DYSF: variants seen among roughly 807,000 people sequenced by gnomAD.
DYSF encodes the protein dysferlin, also known as dystrophy-associated fer-1-like 1.
Under a neutral mutation model 274.9 loss-of-function variants are expected in DYSF, and 212 were observed. The observed-to-expected ratio is 0.77, with a 90% CI of 0.69 to 0.86. The LOEUF is 0.86. Ranked by LOEUF, DYSF falls within the 40% of genes least tolerant of loss-of-function variation. DYSF has a pLI of 0.00. For synonymous variants in DYSF, 1,091 were observed against 1,078.7 expected, an observed-to-expected ratio of 1.01 and a Z score of -0.22; for missense variants, 2,666 against 2,783.2, an observed-to-expected ratio of 0.96 and a Z score of 0.95.
chr2:71,555,873 T>C (rs1283756129), intron 21 of DYSF, 92 bp from the exon 22 acceptor site: 5 of 997,668 alleles, frequency 5.0e-6, no homozygotes, highest in Non-Finnish European at 7.8e-6. Flanking sequence ...TCCTTTTTGG[T>C]TCAGTAGCAG....
intron 54 of DYSF, 115 bp from the exon 55 acceptor site, chr2:71,682,415 G>A: frequency 7.5e-7 from 1 of 1,337,234 alleles, no homozygotes; most frequent in Non-Finnish European, 1.1e-6. Context: ...GCCTGGGCAG[G>A]CGCTGGGGGT....
chr2:71,600,636 C>G, intron 33 of DYSF, 66 bp from the exon 34 acceptor site: 1 of 1,610,892 alleles, frequency 6.2e-7, no homozygotes. Flanking sequence ...TAGACCTGAT[C>G]TCTCTGAGGC....
In DYSF at chr2:71,502,299, TCATC is replaced by T. The variant is rs1481257525; in HGVS notation, c.240-910_240-907del. 2.0e-5 allele frequency among the ~76,000 whole-genome samples: 3 copies of T among 152,108 alleles called. No individual in the cohort carries two copies. In the East Asian group the frequency reaches 5.8e-4, roughly 29 times the overall value. On this transcript the variant is annotated intron_variant, in intron 3 of 55. Coordinates refer to ENST00000410020, the MANE Select transcript of DYSF (RefSeq NM_001130987.2). The stretch of plus-strand genomic sequence containing the variant: ...TGAGCCCAGATGACAGGTGTGCTGT[TCATC>T]CATCAGGAAAAAGCAGTTAATAAGT...
chr2:71,671,979 G>T (rs1473278369), intron 51 of DYSF, among the ~76,000 whole-genome samples: 1 of 152,176 alleles, frequency 6.6e-6, no homozygotes, highest in African/African-American at 2.4e-5. Context: ...GGGTGGCGAG[G>T]AGGAAGAGAG....
chr2:71,551,863 G>A (rs1399255329), intron 19 of DYSF, 143 bp downstream of exon 19: 3 of 640,524 alleles, frequency 4.7e-6, no homozygotes, highest in African/African-American at 3.6e-5. Flanking sequence ...CGGGCCTCAA[G>A]TCTCAGCTGT....
intron 30 of DYSF, among the ~76,000 whole-genome samples, chr2:71,577,511 A>C (rs2092746187): frequency 2.7e-5 from 3 of 109,518 alleles, no homozygotes; most frequent in Admixed American, 1.9e-4. Flanking sequence ...ACACAGCCCC[A>C]CTCTCATGCA....
At chr2:71,648,200 T>C (rs1302457598) in intron 42 of DYSF, among the ~76,000 whole-genome samples, 6 of 152,124 alleles carry the variant, frequency 3.9e-5, no homozygotes, top group Non-Finnish European at 5.9e-5. Context: ...GCAGATGAGA[T>C]GAAATGCTTT....
In DYSF at chr2:71,667,737, C is replaced by T. The variant is rs534544537; in HGVS notation, c.5457+222C>T. Reference sequence around the variant, plus strand: ...CCTCCATCCCTCAGGGCCTGCGAAACGAGGCTGAGCTTCTCCCCTCACCCC... The same window carrying T: ...CCTCCATCCCTCAGGGCCTGCGAAATGAGGCTGAGCTTCTCCCCTCACCCC... On this transcript the variant is annotated intron_variant, in intron 48 of 55. Transcript: ENST00000410020. Among the ~76,000 whole-genome samples, 6 of 152,276 alleles carry T rather than the reference C, an allele frequency of 3.9e-5. No homozygotes were observed. The South Asian group carries it at 1.0e-3, about 26-fold the overall frequency.
chr2:71,577,178 G>C (rs1469772687), intron 30 of DYSF: 2 of 153,244 alleles, frequency 1.3e-5, no homozygotes, highest in Middle Eastern at 3.4e-3. Flanking sequence ...TGACTGTCTG[G>C]AAGACTCTAT....
At chr2:71,553,241 G>A (rs537327592) in intron 20 of DYSF, 53 bp downstream of exon 20, 1 of 1,610,582 alleles carries the variant, frequency 6.2e-7, no homozygotes, top group Non-Finnish European at 8.5e-7. Flanking sequence ...AGAGCAGGGG[G>A]CCACACCTTA....
intron 45 of DYSF, among the ~76,000 whole-genome samples, chr2:71,662,811 G>GGT (rs988420177): frequency 6.7e-6 from 1 of 150,316 alleles, no homozygotes; most frequent in Non-Finnish European, 1.5e-5. Context: ...GTCTGTGTGT[G>GGT]GTGTGTGTAT....
intron 41 of DYSF, among the ~76,000 whole-genome samples, chr2:71,642,721 C>T (rs547586032): frequency 1.0e-3 from 158 of 152,304 alleles, no homozygotes; most frequent in African/African-American, 2.6e-3. Context: ...ACTTCCAGGA[C>T]GGGTGGAGAC....
intron 41 of DYSF, 30 bp downstream of exon 41, chr2:71,620,639 C>G: frequency 7.0e-7 from 1 of 1,432,306 alleles, no homozygotes; most frequent in Non-Finnish European, 9.4e-7. Flanking sequence ...TTGTGGGCTC[C>G]TTGTATTCCC....
At chr2:71,514,184 C>T (rs1041726824) in intron 7 of DYSF, among the ~76,000 whole-genome samples, 6 of 147,334 alleles carry the variant, frequency 4.1e-5, no homozygotes, top group East Asian at 2.0e-4. Context: ...TGCAGAGATT[C>T]AGCATGTCTT....
chr2:71,605,186 A>T (rs1175516302), intron 36 of DYSF, among the ~76,000 whole-genome samples: 1 of 149,250 alleles, frequency 6.7e-6, no homozygotes, highest in African/African-American at 2.5e-5. Flanking sequence ...TTCGTGTTTC[A>T]CTCTTCCTGT....
chr2:71,564,310 T>G lies in DYSF; in HGVS notation c.2565+97T>G, dbSNP rs2091958267. ...TTCCCCTCCTGTTCTTGACCTATCTTAGTTCTTAGGCTGTGGTCTTGGAAG... is the reference window on the plus strand; with the variant it reads ...TTCCCCTCCTGTTCTTGACCTATCTGAGTTCTTAGGCTGTGGTCTTGGAAG... On this transcript the variant is annotated intron_variant, in intron 24 of 55. Coordinates refer to ENST00000410020, the MANE Select transcript of DYSF (RefSeq NM_001130987.2). The G allele has an allele frequency of 2.6e-6, 4 of 1,527,028 alleles. No individual in the cohort carries two copies. In the Admixed American group the frequency reaches 6.9e-5, roughly 26 times the overall value. The allele number at this position is 1,527,028 out of a possible 1,614,324, so 94.6% of individuals were successfully genotyped here. A position where few individuals can be genotyped will look rare whatever the true frequency, so the allele number is the denominator to read the frequency against.
chr2:71,676,065 T>G (rs935978882), intron 52 of DYSF, among the ~76,000 whole-genome samples: 2 of 152,180 alleles, frequency 1.3e-5, no homozygotes, highest in Non-Finnish European at 2.9e-5. Flanking sequence ...CCTGTTTTGA[T>G]TAATCCTCTC....
chr2:71,685,061 G>T (rs1369881206), intron 55 of DYSF, among the ~76,000 whole-genome samples: 1 of 152,248 alleles, frequency 6.6e-6, no homozygotes, highest in Non-Finnish European at 1.5e-5. Context: ...GCACTGCTAG[G>T]CTACTGGGCA....
chr2:71,496,320 C>A (rs1045775784), intron 3 of DYSF, among the ~76,000 whole-genome samples: 1 of 152,102 alleles, frequency 6.6e-6, no homozygotes, highest in Non-Finnish European at 1.5e-5. Flanking sequence ...GAGTGGGAGG[C>A]CACGCTGTGC....
Sources: gnomAD v4.1 joint callset for allele counts (sites outside exome capture counted in the v4.1 genomes callset) on GRCh38, gnomAD v4.1.1 for gene constraint, MANE v1.5 for transcripts, NCBI Gene and HGNC (gene_info 2026-07-23, HGNC 2026-07-21) for gene names.